The following SMYD3 variants were observed in gnomAD, a reference collection of about 807,000 sequenced individuals.
SMYD3 encodes the protein histone-lysine N-methyltransferase SMYD3.
A neutral mutation model predicts 57.7 loss-of-function variants in SMYD3; 36 were observed. The ratio of observed to expected loss-of-function variants is 0.62; its 90% confidence interval spans 0.48 to 0.82. The LOEUF is 0.82. Among genes scored for constraint, SMYD3 ranks in the 40% least tolerant of loss-of-function variants. SMYD3 has a pLI of 0.00. For synonymous variants in SMYD3, 211 were observed against 195.0 expected, an observed-to-expected ratio of 1.08 and a Z score of -0.68; for missense variants, 515 against 538.8, an observed-to-expected ratio of 0.96 and a Z score of 0.44.
chr1:245,804,460 A>C (rs2048041272), intron 10 of SMYD3, among the ~76,000 whole-genome samples: 1 of 152,108 alleles, frequency 6.6e-6, no homozygotes, highest in Admixed American at 6.5e-5. Context: ...CGGGAGGCTG[A>C]GGCAGGAGAA....
At chr1:245,902,165 C>T (rs1193035838) in intron 8 of SMYD3, among the ~76,000 whole-genome samples, 3 of 152,146 alleles carry the variant, frequency 2.0e-5, no homozygotes, top group Non-Finnish European at 4.4e-5. Context: ...CCAGCTGGAC[C>T]AAGTGGTACA....
Position 245,824,852 on chromosome 1 carries a change from G to A in SMYD3, c.1076+33644C>T, listed in dbSNP as rs192402529. 6.2e-3 allele frequency among the ~76,000 whole-genome samples: 677 copies of A among 109,248 alleles called. 4 individuals are homozygous for A. The highest frequency in any genetic ancestry group is 0.011 in the Admixed American group (113 of 9,956). 71.7% of individuals were successfully genotyped at this position (109,248 alleles called of 152,430 possible). On this transcript the variant is annotated intron_variant, in intron 10 of 11. Coordinates refer to ENST00000490107, the MANE Select transcript of SMYD3 (RefSeq NM_001167740.2). ...GCCTGGGCAACAAGAACGAAACTCC[G>A]TCTCAAAAAAAAAAAAACAAAAAAA... is the stretch of plus-strand genomic sequence containing the variant.
intron 5 of SMYD3, 71 bp from the exon 6 acceptor site, chr1:245,930,008 A>T: frequency 7.4e-7 from 1 of 1,342,394 alleles, no homozygotes; most frequent in South Asian, 1.2e-5. Flanking sequence ...GAGAATAAAA[A>T]ACGTTCAAAC....
chr1:246,050,855 A>G (rs896933435), intron 5 of SMYD3, among the ~76,000 whole-genome samples: 2 of 152,172 alleles, frequency 1.3e-5, no homozygotes, highest in African/African-American at 2.4e-5. Context: ...TAACTATCAA[A>G]TTATATTTTA....
chr1:245,863,700 G>A, intron 9 of SMYD3, 99 bp downstream of exon 9: 5 of 1,014,894 alleles, frequency 4.9e-6, no homozygotes, highest in Admixed American at 2.0e-5. Flanking sequence ...CTGGCTCATG[G>A]AGAGGTCAAA....
chr1:245,988,140 A>C (rs994884679), intron 5 of SMYD3, among the ~76,000 whole-genome samples: 1 of 140,100 alleles, frequency 7.1e-6, no homozygotes, highest in African/African-American at 2.6e-5. Context: ...ACACACACAC[A>C]CCGCCACCCA....
chr1:246,448,728 A>AAAAAG (rs59949545), intron 1 of SMYD3, among the ~76,000 whole-genome samples: 69 of 148,316 alleles, frequency 4.7e-4, no homozygotes, highest in African/African-American at 1.6e-3. Context: ...AAAAAAAAAA[A>AAAAAG]GGACAAAATG....
intron 1 of SMYD3, among the ~76,000 whole-genome samples, chr1:246,480,324 G>A (rs138127653): frequency 1.2e-4 from 18 of 152,156 alleles, no homozygotes; most frequent in African/African-American, 3.6e-4. Flanking sequence ...AAGAGAAGTC[G>A]GGCTCCTGAG....
intron 5 of SMYD3, among the ~76,000 whole-genome samples, chr1:246,060,951 G>A (rs1572961531): frequency 2.0e-5 from 3 of 152,222 alleles, no homozygotes; most frequent in Non-Finnish European, 4.4e-5. Context: ...TTTTAGGCCA[G>A]GCATGGTGGC....
chr1:246,309,584 T>C (rs1270187275), intron 5 of SMYD3, among the ~76,000 whole-genome samples: 1 of 152,192 alleles, frequency 6.6e-6, no homozygotes, highest in East Asian at 1.9e-4. Flanking sequence ...TCTACTGAAG[T>C]TACCGGGCTT....
intron 8 of SMYD3, among the ~76,000 whole-genome samples, chr1:245,874,698 T>C (rs2148526994): frequency 6.6e-6 from 1 of 152,258 alleles, no homozygotes; most frequent in Middle Eastern, 3.4e-3. Flanking sequence ...CTTTAATCTC[T>C]CAGCCTTTAA....
chr1:246,120,392 C>A (rs6693715), intron 5 of SMYD3, among the ~76,000 whole-genome samples: 118,214 of 151,834 alleles, frequency 0.78, 46,691 homozygotes, highest in Admixed American at 0.87. Context: ...CCACCCTCTA[C>A]TGACCTACTA....
At chr1:246,378,322 T>C (rs1373166626) in intron 1 of SMYD3, among the ~76,000 whole-genome samples, 1 of 152,146 alleles carries the variant, frequency 6.6e-6, no homozygotes, top group Non-Finnish European at 1.5e-5. Context: ...TGGGTGTGTC[T>C]GTGAGGGTGT....
chr1:245,800,851 AAG>A (rs2047826078), intron 10 of SMYD3, among the ~76,000 whole-genome samples: 1 of 152,216 alleles, frequency 6.6e-6, no homozygotes, highest in Non-Finnish European at 1.5e-5. Context: ...AGTGTGGCTA[AAG>A]AGTAATACCA....
intron 5 of SMYD3, among the ~76,000 whole-genome samples, chr1:246,224,394 A>C (rs1467915143): frequency 1.3e-5 from 2 of 152,090 alleles, no homozygotes; most frequent in East Asian, 3.9e-4. Context: ...GGACAGAAAG[A>C]AAGCCAGTGT....
intron 1 of SMYD3, among the ~76,000 whole-genome samples, chr1:246,412,858 CAA>C (rs35012889): frequency 2.2e-3 from 265 of 120,342 alleles, no homozygotes; most frequent in South Asian, 5.4e-3. Context: ...GACTCCGTCT[CAA>C]AAAAAAAAAA....
At chr1:245,872,603 G>C (rs1050626464) in intron 8 of SMYD3, among the ~76,000 whole-genome samples, 2 of 152,188 alleles carry the variant, frequency 1.3e-5, no homozygotes, top group African/African-American at 4.8e-5. Context: ...AAATGCTCGT[G>C]GTGAGGAGAA....
At chr1:245,839,963 T>C (rs1017455007) in intron 10 of SMYD3, among the ~76,000 whole-genome samples, 2 of 152,178 alleles carry the variant, frequency 1.3e-5, no homozygotes, top group Non-Finnish European at 2.9e-5. Flanking sequence ...TTGTGAATTA[T>C]TAAAACAATA....
intron 10 of SMYD3, among the ~76,000 whole-genome samples, chr1:245,775,042 C>T (rs1010003377): frequency 8.5e-5 from 13 of 152,070 alleles, no homozygotes; most frequent in African/African-American, 3.1e-4. Context: ...GGCGTGATCT[C>T]GGCTGGCTAC....
Sources: allele counts gnomAD v4.1 joint callset (sites outside exome capture counted in the v4.1 genomes callset), GRCh38; gene constraint gnomAD v4.1.1; transcripts MANE v1.5; gene names NCBI Gene and HGNC (gene_info 2026-07-23, HGNC 2026-07-21).